The following CADPS variants were observed in gnomAD, a reference collection of about 807,000 sequenced individuals.
CADPS encodes the protein calcium dependent secretion activator.
In CADPS, 57 loss-of-function variants were observed where a neutral mutation model predicts 167.3. The observed-to-expected ratio is 0.34, with a 90% CI of 0.28 to 0.42. CADPS has a LOEUF of 0.42. Ranked by LOEUF, CADPS falls within the 20% of genes least tolerant of loss-of-function variation. CADPS has a pLI of 1.00. For missense variants in CADPS, 1,414 were observed against 1,738.1 expected, an observed-to-expected ratio of 0.81 and a Z score of 3.32; for synonymous variants, 676 against 635.3, an observed-to-expected ratio of 1.06 and a Z score of -0.96.
intron 28 of CADPS, among the ~76,000 whole-genome samples, chr3:62,406,325 G>A (rs1047581361): frequency 6.6e-6 from 1 of 152,168 alleles, no homozygotes; most frequent in African/African-American, 2.4e-5. Flanking sequence ...GGGTTGTTCT[G>A]CTCTTCCTCA....
intron 11 of CADPS, among the ~76,000 whole-genome samples, chr3:62,537,827 T>C (rs79740051): frequency 2.4e-4 from 36 of 152,162 alleles, no homozygotes; most frequent in Non-Finnish European, 2.4e-4. Context: ...CCTATTATTA[T>C]TGATATTGTA....
At chr3:62,642,277 A>G (rs1482079185) in intron 6 of CADPS, among the ~76,000 whole-genome samples, 1 of 152,096 alleles carries the variant, frequency 6.6e-6, no homozygotes, top group Non-Finnish European at 1.5e-5. Context: ...TAAATAAAGC[A>G]TGGGCACCAG....
chr3:62,665,371 T>G (rs1007332913), intron 3 of CADPS, among the ~76,000 whole-genome samples: 5 of 152,178 alleles, frequency 3.3e-5, no homozygotes, highest in Admixed American at 1.3e-4. Context: ...TTTGTAAGGT[T>G]GGTATCATTA....
chr3:62,622,565 G>T (rs986365660), intron 6 of CADPS, among the ~76,000 whole-genome samples: 1 of 152,048 alleles, frequency 6.6e-6, no homozygotes, highest in Admixed American at 6.6e-5. Context: ...TCTTAGAAAC[G>T]GAAGGGGCCA....
rs1412856813 is a variant in CADPS, at chr3:62,458,823, C to T, written c.3636+6544G>A. ...CATTTCTGTGACCTGGTCACTTAGACCACACAGTCTGGAGAAAATACTGTG... is the reference window on the plus strand; with the variant it reads ...CATTTCTGTGACCTGGTCACTTAGATCACACAGTCTGGAGAAAATACTGTG... On this transcript the variant is annotated intron_variant, in intron 26 of 29. Transcript: ENST00000383710. The surrounding 1 kb of genome is among the most constrained non-coding windows in gnomAD (Gnocchi z 4.6). Among the ~76,000 whole-genome samples, 2 of 152,166 alleles carry T rather than the reference C, an allele frequency of 1.3e-5. No homozygotes were observed. Among genetic ancestry groups the T allele is most frequent in the Non-Finnish European group, 2.9e-5 (2 of 68,038 alleles).
chr3:62,636,239 C>T (rs2066276105), intron 6 of CADPS, among the ~76,000 whole-genome samples: 1 of 152,168 alleles, frequency 6.6e-6, no homozygotes, highest in Non-Finnish European at 1.5e-5. Context: ...TAGTAGCTCA[C>T]CTACCATAAC....
At chr3:62,553,869 A>G (rs1577677337) in intron 10 of CADPS, among the ~76,000 whole-genome samples, 1 of 152,210 alleles carries the variant, frequency 6.6e-6, no homozygotes, top group East Asian at 1.9e-4. Context: ...ACTGAATCTG[A>G]AGAATGTGAT....
chr3:62,466,691 T>C, intron 24 of CADPS: 1 of 434,306 alleles, frequency 2.3e-6, no homozygotes, highest in Admixed American at 3.5e-5. Context: ...ATAGCACACA[T>C]GAATGACTTA....
At chr3:62,723,720 C>T (rs887826318) in intron 3 of CADPS, among the ~76,000 whole-genome samples, 2 of 152,184 alleles carry the variant, frequency 1.3e-5, no homozygotes, top group African/African-American at 4.8e-5. Flanking sequence ...AAGTGGAACC[C>T]TTGCTAATTT....
intron 28 of CADPS, among the ~76,000 whole-genome samples, chr3:62,427,354 CA>C (rs1386046792): frequency 2.5e-4 from 38 of 152,264 alleles, no homozygotes; most frequent in African/African-American, 8.9e-4. Flanking sequence ...TAGAGACAGT[CA>C]CTGGAGTCCC....
intron 6 of CADPS, among the ~76,000 whole-genome samples, chr3:62,628,927 C>T (rs1563090301): frequency 6.6e-6 from 1 of 152,116 alleles, no homozygotes; most frequent in Non-Finnish European, 1.5e-5. Context: ...GCCTGGCCAA[C>T]CATGAGCCTT....
chr3:62,681,203 C>A (rs2077109936), intron 3 of CADPS, among the ~76,000 whole-genome samples: 1 of 152,080 alleles, frequency 6.6e-6, no homozygotes, highest in African/African-American at 2.4e-5. Flanking sequence ...TAAGTTAGCA[C>A]CTGCCATCCT....
chr3:62,452,462 C>T (rs192516048), intron 26 of CADPS, among the ~76,000 whole-genome samples: 3 of 152,170 alleles, frequency 2.0e-5, no homozygotes, highest in East Asian at 3.9e-4. Flanking sequence ...ACTGCCATCA[C>T]TTTAGACAGT....
chr3:62,523,760 C>T (rs1021671768), intron 13 of CADPS, among the ~76,000 whole-genome samples: 2 of 152,182 alleles, frequency 1.3e-5, no homozygotes, highest in East Asian at 3.9e-4. Flanking sequence ...CAGTCACTAC[C>T]AACAAGGGGT....
chr3:62,603,527 G>C (rs1008665646), intron 6 of CADPS, among the ~76,000 whole-genome samples: 7 of 152,154 alleles, frequency 4.6e-5, no homozygotes, highest in Non-Finnish European at 7.4e-5. Flanking sequence ...CTGCATCTCA[G>C]TGCTTATTTT....
intron 9 of CADPS, among the ~76,000 whole-genome samples, chr3:62,561,340 C>A (rs1206992947): frequency 1.3e-5 from 2 of 152,020 alleles, no homozygotes; most frequent in Non-Finnish European, 2.9e-5. Flanking sequence ...ACATCCTTGA[C>A]CTCCTGGGCT....
intron 3 of CADPS, among the ~76,000 whole-genome samples, chr3:62,721,931 G>A (rs2075913537): frequency 6.6e-6 from 1 of 152,158 alleles, no homozygotes; most frequent in Non-Finnish European, 1.5e-5. Flanking sequence ...AAAACATGAT[G>A]CTAATGACAA....
chr3:62,599,899 C>CTA (rs1562722336), intron 6 of CADPS, among the ~76,000 whole-genome samples: 1 of 54,276 alleles, frequency 1.8e-5, no homozygotes, highest in African/African-American at 6.5e-5. Context: ...ATTATATATA[C>CTA]CATATTATAT....
chr3:62,550,757 A>G, intron 10 of CADPS: 1 of 455,772 alleles, frequency 2.2e-6, no homozygotes. Context: ...TCCAGGTTTC[A>G]GTGGACACAT....
Sources: gnomAD v4.1 joint callset for allele counts (sites outside exome capture counted in the v4.1 genomes callset) on GRCh38, gnomAD v4.1.1 for gene constraint, Gnocchi (gnomAD v3.1) non-coding constraint, MANE v1.5 for transcripts, NCBI Gene and HGNC (gene_info 2026-07-23, HGNC 2026-07-21) for gene names.